Variants in NUDT21 observed in about 807,000 individuals in gnomAD.
NUDT21 encodes cleavage and polyadenylation specificity factor subunit 5.
NUDT21 carries 5 observed loss-of-function variants against 29.8 expected under a neutral mutation model. That is an observed-to-expected ratio of 0.17 (90% CI 0.09 to 0.35). The LOEUF (loss-of-function observed/expected upper bound fraction) is 0.35, where lower values mean the gene tolerates loss of function less well. Among genes scored for constraint, NUDT21 ranks in the 10% least tolerant of loss-of-function variants. NUDT21 has a pLI of 1.00. For synonymous variants in NUDT21, 113 were observed against 98.5 expected, an observed-to-expected ratio of 1.15 and a Z score of -0.87; for missense variants, 76 against 276.0, an observed-to-expected ratio of 0.28 and a Z score of 5.13.
Position 56,432,667 on chromosome 16 carries a change from TCA to T in NUDT21, c.*43_*44del. ...TATTCTACACTGTATATAGCTGTGC[TCA>T]CAGAGACAAGCGGCTTCTTTTACTT... On this transcript the variant is annotated 3_prime_UTR_variant, in exon 7 of 7. Transcript: ENST00000300291. 2 of 1,592,748 alleles carry T rather than the reference TCA, an allele frequency of 1.3e-6. No homozygotes were observed. The highest frequency in any genetic ancestry group is 2.2e-5 in the South Asian group (2 of 88,986).
At position 56,435,029 on chromosome 16, in the gene NUDT21, C is replaced by A. The variant is rs75044771; in HGVS notation, c.472-200G>T. 9.2e-3 allele frequency: 3,487 copies of A among 379,996 alleles called. 24 individuals are homozygous for A. The highest frequency in any genetic ancestry group is 0.012 in the Non-Finnish European group (2,477 of 214,262). The allele number at this position is 379,996 out of a possible 1,614,324, so 23.5% of individuals were successfully genotyped here. ...ACAAGCAGTAAACCAGTCAACCATT[C>A]GAGATAAAATATGTAGTCACAGGAT... On this transcript the variant is annotated intron_variant, in intron 4 of 6. Coordinates refer to ENST00000300291, the MANE Select transcript of NUDT21 (RefSeq NM_007006.3).
rs563282820 is a variant in NUDT21 at position 56,451,324 on chromosome 16, C to G, written c.-122G>C. 33 of 828,376 alleles carry G rather than the reference C, an allele frequency of 4.0e-5. No individual in the cohort carries two copies. Among genetic ancestry groups the G allele is most frequent in the Middle Eastern group, 3.6e-4 (1 of 2,746 alleles). The allele number at this position is 828,376 out of a possible 1,614,324, so 51.3% of individuals were successfully genotyped here. On this transcript the variant is annotated 5_prime_UTR_variant, in exon 1 of 7. Coordinates refer to ENST00000300291, the MANE Select transcript of NUDT21 (RefSeq NM_007006.3). ...ACTGCCCGCCATTAACAGGACAGCG[C>G]AAGAGGAGGCGTAGGCACGCCGGAA...
At position 56,431,065 on chromosome 16, in the gene NUDT21, TG is replaced by T. The variant is rs1225873133; in HGVS notation, c.*1646del. 1.3e-5 allele frequency: 2 copies of T among 152,226 alleles called. No homozygotes were observed. Among genetic ancestry groups the T allele is most frequent in the Non-Finnish European group, 2.9e-5 (2 of 68,050 alleles). 9.4% of individuals were successfully genotyped at this position (152,226 alleles called of 1,614,324 possible). ...AAATTGCAAAAGTGAACATCTGAAA[TG>T]TGGCCACTGTAGCTTTTCCCTCAAA... On this transcript the variant is annotated 3_prime_UTR_variant, in exon 7 of 7. Transcript: ENST00000300291.
In NUDT21 at chr16:56,449,352, T is replaced by C. The variant is rs565681695; in HGVS notation, c.117-1363A>G. On this transcript the variant is annotated intron_variant, in intron 1 of 6. Coordinates refer to ENST00000300291, the MANE Select transcript of NUDT21 (RefSeq NM_007006.3). ...AGCTTCATAAAGCAGGGGCTACACC[T>C]TACTTCCTCACCACTGTATATCCAG... 2.6e-5 allele frequency: 4 copies of C among 152,316 alleles called. No homozygotes were observed. In the South Asian group the frequency reaches 8.3e-4, roughly 32 times the overall value. 9.4% of individuals were successfully genotyped at this position (152,316 alleles called of 1,614,324 possible). A position where few individuals can be genotyped will look rare whatever the true frequency, so the allele number is the denominator to read the frequency against.
At chr16:56,442,963 TCTC>T (rs540842957) in intron 3 of NUDT21, among the ~76,000 whole-genome samples, 80 of 152,298 alleles carry the variant, frequency 5.3e-4, no homozygotes, top group African/African-American at 1.9e-3. Flanking sequence ...AGGTGCAAAA[TCTC>T]CTCTCATCTC....
rs975157224 is a variant in NUDT21, at chr16:56,433,079, G to T, written c.663-346C>A. 2.0e-5 allele frequency among the ~76,000 whole-genome samples: 3 copies of T among 152,204 alleles called. No homozygotes were observed. In the South Asian group the frequency reaches 6.2e-4, roughly 32 times the overall value. On this transcript the variant is annotated intron_variant, in intron 6 of 6. Coordinates refer to ENST00000300291, the MANE Select transcript of NUDT21 (RefSeq NM_007006.3). The stretch of plus-strand genomic sequence containing the variant: ...CAGTTCCTGCACTTGACAAGTAGGT[G>T]TTTGAATAAATAATATGACTCTTTT...
At chr16:56,444,260 AG>A (rs1217520292) in intron 3 of NUDT21, among the ~76,000 whole-genome samples, 4 of 152,058 alleles carry the variant, frequency 2.6e-5, no homozygotes, top group African/African-American at 9.7e-5. Context: ...CTCCAGCCTG[AG>A]GAACAGAGTG....
intron 3 of NUDT21, among the ~76,000 whole-genome samples, chr16:56,442,687 G>A (rs1363983548): frequency 6.6e-6 from 1 of 152,152 alleles, no homozygotes; most frequent in Non-Finnish European, 1.5e-5. Flanking sequence ...CATGCCCTTT[G>A]AGGTTTGAGA....
chr16:56,433,914 T>C (rs1327103698), intron 6 of NUDT21, among the ~76,000 whole-genome samples: 1 of 152,146 alleles, frequency 6.6e-6, no homozygotes, highest in Admixed American at 6.5e-5. Flanking sequence ...CTCGAACTCC[T>C]GACCTGGTGA....
intron 4 of NUDT21, among the ~76,000 whole-genome samples, chr16:56,436,666 T>C (rs150588735): frequency 1.3e-5 from 2 of 152,304 alleles, no homozygotes; most frequent in East Asian, 3.9e-4. Context: ...GAGTAGCATT[T>C]CCCCAAATTT....
intron 4 of NUDT21, among the ~76,000 whole-genome samples, chr16:56,438,706 A>T (rs1962129660): frequency 6.6e-6 from 1 of 152,072 alleles, no homozygotes; most frequent in South Asian, 2.1e-4. Flanking sequence ...CAAGACACAC[A>T]GGGGAAACAG....
chr16:56,446,053 T>C (rs956383523), intron 3 of NUDT21, among the ~76,000 whole-genome samples: 3 of 152,214 alleles, frequency 2.0e-5, no homozygotes, highest in Admixed American at 2.0e-4. Context: ...AAAACTAACA[T>C]TGAAAACAAT....
intron 3 of NUDT21, among the ~76,000 whole-genome samples, chr16:56,441,400 C>CT (rs1962157801): frequency 6.6e-6 from 1 of 151,998 alleles, no homozygotes; most frequent in Non-Finnish European, 1.5e-5. Flanking sequence ...CCACACCCAG[C>CT]TTTTTTGTAT....
intron 1 of NUDT21, among the ~76,000 whole-genome samples, chr16:56,449,765 TTGA>T (rs1322315562): frequency 6.6e-6 from 1 of 152,140 alleles, no homozygotes; most frequent in Non-Finnish European, 1.5e-5. Flanking sequence ...CCTTTACCAT[TTGA>T]TGGATTTTTT....
Position 56,451,073 on chromosome 16 carries a change from C to G in NUDT21, c.116+14G>C, listed in dbSNP as rs564673839. 2.9e-5 allele frequency: 46 copies of G among 1,607,428 alleles called. No individual in the cohort carries two copies. In the East Asian group the frequency reaches 9.6e-4, roughly 34 times the overall value. On this transcript the variant is annotated intron_variant, in intron 1 of 6. Coordinates refer to ENST00000300291, the MANE Select transcript of NUDT21 (RefSeq NM_007006.3). ...TCACGAGAGAAATGCCCGCCAAGGC[C>G]GCGCCGCACTTACAGGTTGATGGTG...
At position 56,435,884 on chromosome 16, in the gene NUDT21, T is replaced by C. The variant is rs529619967; in HGVS notation, c.472-1055A>G. Reference sequence around the variant, plus strand: ...CATTTGACAAGATGCTTCTTGCTCCTCCTTCCAGCCCCAACCTCAAACCTC... The same window carrying C: ...CATTTGACAAGATGCTTCTTGCTCCCCCTTCCAGCCCCAACCTCAAACCTC... On this transcript the variant is annotated intron_variant, in intron 4 of 6. Transcript: ENST00000300291. Among the ~76,000 whole-genome samples the C allele has an allele frequency of 2.9e-4, 42 of 144,400 alleles. No individual in the cohort carries two copies. The South Asian group carries it at 9.1e-3, about 31-fold the overall frequency. The allele number at this position is 144,400 out of a possible 152,430, so 94.7% of individuals were successfully genotyped here. A position where few individuals can be genotyped will look rare whatever the true frequency, so the allele number is the denominator to read the frequency against.
rs117823472 is a variant in NUDT21, at chr16:56,444,726, A to G, written c.381+1900T>C. Among the ~76,000 whole-genome samples, 308 of 152,018 alleles carry G rather than the reference A, an allele frequency of 2.0e-3. 11 individuals are homozygous for G. The East Asian group carries it at 0.052, about 26-fold the overall frequency. ...AACTCTTATTCTCCCCATCCCCTAA[A>G]CTTTTTTCATTGCTAGTTGTTCTCT... On this transcript the variant is annotated intron_variant, in intron 3 of 6. Coordinates refer to ENST00000300291, the MANE Select transcript of NUDT21 (RefSeq NM_007006.3).
intron 1 of NUDT21, 125 bp downstream of exon 1, chr16:56,450,962 C>T: frequency 2.7e-6 from 2 of 728,910 alleles, no homozygotes; most frequent in Non-Finnish European, 4.6e-6. Context: ...GGCGCGCATC[C>T]GCCAGCGGGA....
intron 4 of NUDT21, chr16:56,439,354 G>A (rs1962136605): frequency 3.6e-6 from 1 of 276,444 alleles, no homozygotes; most frequent in Admixed American, 4.8e-5. Context: ...ACATTTTTTA[G>A]TAGAGACGAG....
Sources: gnomAD v4.1 joint callset for allele counts (sites outside exome capture counted in the v4.1 genomes callset) on GRCh38, gnomAD v4.1.1 for gene constraint, MANE v1.5 for transcripts, NCBI Gene and HGNC (gene_info 2026-07-23, HGNC 2026-07-21) for gene names.